The following KSR2 variants were observed in gnomAD, a reference collection of about 807,000 sequenced individuals.
KSR2 encodes the protein kinase suppressor of ras 2.
A neutral mutation model predicts 107.8 loss-of-function variants in KSR2; 25 were observed. The observed-to-expected ratio is 0.23, with a 90% CI of 0.17 to 0.32. The LOEUF is 0.32. Ranked by LOEUF, KSR2 falls within the 10% of genes least tolerant of loss-of-function variation. KSR2 has a pLI of 1.00. For synonymous variants in KSR2, 480 were observed against 507.0 expected, an observed-to-expected ratio of 0.95 and a Z score of 0.71; for missense variants, 887 against 1,268.9, an observed-to-expected ratio of 0.70 and a Z score of 4.57.
At chr12:117,825,323 G>A (rs538296260) in intron 3 of KSR2, among the ~76,000 whole-genome samples, 85 of 152,256 alleles carry the variant, frequency 5.6e-4, no homozygotes, top group African/African-American at 1.9e-3. Flanking sequence ...GTAGGTACGC[G>A]GATGGATGGA....
At chr12:117,950,749 A>ATAAT (rs60499991) in intron 1 of KSR2, among the ~76,000 whole-genome samples, 2,301 of 132,108 alleles carry the variant, frequency 0.017, 24 homozygotes, top group African/African-American at 0.034. Flanking sequence ...AAAAAAAAAA[A>ATAAT]AATAATAATA....
intron 3 of KSR2, among the ~76,000 whole-genome samples, chr12:117,782,734 C>A (rs1382170276): frequency 1.3e-5 from 2 of 152,218 alleles, no homozygotes; most frequent in African/African-American, 4.8e-5. Context: ...AAGCTACAAA[C>A]CTCCTAAGTG....
chr12:117,808,827 C>A (rs919514741), intron 3 of KSR2, among the ~76,000 whole-genome samples: 1 of 152,182 alleles, frequency 6.6e-6, no homozygotes, highest in Non-Finnish European at 1.5e-5. Context: ...ACATTTCCAG[C>A]CTCCTTTGCA....
At chr12:117,569,862 T>G (rs1488222582) in intron 7 of KSR2, among the ~76,000 whole-genome samples, 1 of 152,182 alleles carries the variant, frequency 6.6e-6, no homozygotes, top group Non-Finnish European at 1.5e-5. Context: ...GTTTGAGTAA[T>G]GAGTCCAAGC....
In KSR2 at chr12:117,952,222, G is replaced by T. The variant is rs12319698; in HGVS notation, c.180+15854C>A. Among the ~76,000 whole-genome samples the T allele has an allele frequency of 6.6e-3, 997 of 151,810 alleles. 15 individuals carry two copies. Among genetic ancestry groups the T allele is most frequent in the African/African-American group, 0.023 (931 of 41,330 alleles). ...ATACACACCCACACACACAGCAACT[G>T]TGAGGTGATGAATGTGTTAACTAAC... is the stretch of plus-strand genomic sequence containing the variant. On this transcript the variant is annotated intron_variant, in intron 1 of 19. Transcript: ENST00000339824.
At chr12:117,950,349 T>A (rs1896324382) in intron 1 of KSR2, among the ~76,000 whole-genome samples, 1 of 152,160 alleles carries the variant, frequency 6.6e-6, no homozygotes, top group African/African-American at 2.4e-5. Flanking sequence ...TGAACAGACA[T>A]GTAATAAAGC....
intron 3 of KSR2, among the ~76,000 whole-genome samples, chr12:117,777,175 C>CTATA (rs56862811): frequency 0.24 from 32,099 of 136,578 alleles, 3,943 homozygotes; most frequent in East Asian, 0.43. Flanking sequence ...CATATATACA[C>CTATA]TATATATATA....
intron 5 of KSR2, among the ~76,000 whole-genome samples, chr12:117,657,097 C>T (rs1884218307): frequency 1.3e-5 from 2 of 150,422 alleles, no homozygotes; most frequent in African/African-American, 4.9e-5. Context: ...TAGATCATGG[C>T]CCAAATAAAG....
chr12:117,644,306 G>A (rs1301780153), intron 5 of KSR2, among the ~76,000 whole-genome samples: 1 of 152,160 alleles, frequency 6.6e-6, no homozygotes, highest in Non-Finnish European at 1.5e-5. Context: ...TATTTCTAGG[G>A]CTTGGATACG....
chr12:117,848,900 G>A (rs1892818219), intron 3 of KSR2, among the ~76,000 whole-genome samples: 1 of 139,916 alleles, frequency 7.1e-6, no homozygotes, highest in East Asian at 2.0e-4. Context: ...TGGTGGTGGT[G>A]GTGATTTGCC....
At chr12:117,948,489 C>CA (rs1180417915) in intron 1 of KSR2, among the ~76,000 whole-genome samples, 5,649 of 90,172 alleles carry the variant, frequency 0.063, 204 homozygotes, top group African/African-American at 0.15. Flanking sequence ...GACTCCGTCT[C>CA]AAAAAAAAAA....
chr12:117,933,669 G>A (rs1319503810), intron 1 of KSR2, among the ~76,000 whole-genome samples: 6 of 152,122 alleles, frequency 3.9e-5, no homozygotes, highest in South Asian at 2.1e-4. Context: ...CAGGAAACCC[G>A]ATAAACAGCA....
chr12:117,940,930 A>G (rs1895986755), intron 1 of KSR2, among the ~76,000 whole-genome samples: 1 of 152,062 alleles, frequency 6.6e-6, no homozygotes, highest in African/African-American at 2.4e-5. Flanking sequence ...TACTAAAAAT[A>G]CAAAAATTAG....
Position 117,463,277 on chromosome 12 carries a change from T to C in KSR2, c.*3922A>G, listed in dbSNP as rs1488085262. ...TGCATCTTGGGGCAAGCTGGCCTTC[T>C]TCCGCTGAAACAAGTTCTCTCCCCC... On this transcript the variant is annotated 3_prime_UTR_variant, in exon 20 of 20. Transcript: ENST00000339824. 1 of 152,262 alleles carries C rather than the reference T, an allele frequency of 6.6e-6. No homozygotes were observed. Among genetic ancestry groups the C allele is most frequent in the African/African-American group, 2.4e-5 (1 of 41,438 alleles). The allele number at this position is 152,262 out of a possible 1,614,324, so 9.4% of individuals were successfully genotyped here. A position where few individuals can be genotyped will look rare whatever the true frequency, so the allele number is the denominator to read the frequency against.
chr12:117,512,245 C>G (rs1874067845), intron 14 of KSR2, among the ~76,000 whole-genome samples: 1 of 152,190 alleles, frequency 6.6e-6, no homozygotes, highest in Admixed American at 6.5e-5. Flanking sequence ...CAACACCAGC[C>G]TCTAAGCTGC....
intron 18 of KSR2, among the ~76,000 whole-genome samples, chr12:117,470,241 A>G (rs1871364805): frequency 7.0e-6 from 1 of 143,864 alleles, no homozygotes; most frequent in African/African-American, 2.7e-5. Flanking sequence ...GCATGTATCT[A>G]CACATCTACC....
intron 3 of KSR2, among the ~76,000 whole-genome samples, chr12:117,807,969 A>G (rs1330825383): frequency 6.6e-6 from 1 of 152,232 alleles, no homozygotes; most frequent in African/African-American, 2.4e-5. Context: ...TGCACCATTC[A>G]GGAGGTAATA....
At chr12:117,805,641 G>C (rs1002102449) in intron 3 of KSR2, among the ~76,000 whole-genome samples, 5 of 152,110 alleles carry the variant, frequency 3.3e-5, no homozygotes, top group African/African-American at 1.2e-4. Context: ...GGCTAAGTGT[G>C]GTCCCCTAAC....
chr12:117,773,564 C>A, intron 3 of KSR2, among the ~76,000 whole-genome samples: 1 of 152,148 alleles, frequency 6.6e-6, no homozygotes, highest in Non-Finnish European at 1.5e-5. Context: ...TCTTCAGAGG[C>A]AGAAGTGACA....
Sources: allele counts gnomAD v4.1 joint callset (sites outside exome capture counted in the v4.1 genomes callset), GRCh38; gene constraint gnomAD v4.1.1; transcripts MANE v1.5; gene names NCBI Gene and HGNC (gene_info 2026-07-23, HGNC 2026-07-21).